The following ANO2 variants were observed in gnomAD, a reference collection of about 807,000 sequenced individuals.
ANO2 encodes the protein anoctamin 2.
ANO2 carries 101 observed loss-of-function variants against 124.2 expected under a neutral mutation model. The ratio of observed to expected loss-of-function variants is 0.81; its 90% CI spans 0.69 to 0.96. ANO2 has a LOEUF of 0.96. Among genes scored for constraint, ANO2 ranks in the 40% least tolerant of loss-of-function variants. The probability of loss-of-function intolerance (pLI) is 0.00; values close to 1 mark genes in which losing one functional copy is unlikely to be tolerated. For missense variants in ANO2, 1,293 were observed against 1,274.5 expected (o/e 1.01, Z -0.22); for synonymous variants, 486 against 482.5 (o/e 1.01, Z -0.09).
chr12:5,827,489 C>A (rs1229704054), intron 7 of ANO2, among the ~76,000 whole-genome samples: 1 of 152,138 alleles, frequency 6.6e-6, no homozygotes, highest in Non-Finnish European at 1.5e-5. Flanking sequence ...GATAAAGTGG[C>A]AGGTGTGGGC....
intron 14 of ANO2, among the ~76,000 whole-genome samples, chr12:5,710,762 G>C (rs534352937): frequency 2.6e-5 from 4 of 152,168 alleles, no homozygotes; most frequent in African/African-American, 9.6e-5. Flanking sequence ...TAGAGAGAGA[G>C]AATCAAGAAG....
At chr12:5,861,403 G>A (rs74059034) in intron 3 of ANO2, among the ~76,000 whole-genome samples, 2 of 144,512 alleles carry the variant, frequency 1.4e-5, no homozygotes, top group South Asian at 4.6e-4. Flanking sequence ...GCAGGGACTG[G>A]AGGTCGCGCT....
intron 14 of ANO2, among the ~76,000 whole-genome samples, chr12:5,714,388 C>T (rs986062260): frequency 3.0e-4 from 45 of 152,126 alleles, no homozygotes; most frequent in African/African-American, 1.0e-3. Context: ...GAACTAAGGC[C>T]GTGGCAGGTT....
chr12:5,818,253 T>G (rs1348600569), intron 7 of ANO2, among the ~76,000 whole-genome samples: 2 of 151,854 alleles, frequency 1.3e-5, no homozygotes, highest in East Asian at 3.9e-4. Context: ...CAGCTGCCAG[T>G]GCAGCTACAA....
intron 7 of ANO2, among the ~76,000 whole-genome samples, chr12:5,820,881 G>A (rs1953774086): frequency 6.6e-6 from 1 of 152,212 alleles, no homozygotes; most frequent in African/African-American, 2.4e-5. Flanking sequence ...CACATCTCCT[G>A]GTACCTGGTA....
At chr12:5,727,257 T>TAAC (rs1950474738) in intron 14 of ANO2, among the ~76,000 whole-genome samples, 1 of 152,072 alleles carries the variant, frequency 6.6e-6, no homozygotes, top group South Asian at 2.1e-4. Context: ...ACCTCCCCTA[T>TAAC]AACTCACTCC....
intron 10 of ANO2, among the ~76,000 whole-genome samples, chr12:5,753,208 T>C (rs886225959): frequency 5.9e-5 from 9 of 152,104 alleles, no homozygotes; most frequent in African/African-American, 2.2e-4. Context: ...AAAGATGAAT[T>C]TAAGGGCTTC....
At chr12:5,607,772 A>T (rs1944293849) in intron 19 of ANO2, among the ~76,000 whole-genome samples, 1 of 152,190 alleles carries the variant, frequency 6.6e-6, no homozygotes, top group African/African-American at 2.4e-5. Context: ...TGTGCTCCTT[A>T]TGAGAATCCA....
intron 22 of ANO2, 38 bp from the exon 23 acceptor site, chr12:5,576,053 T>C: frequency 6.5e-7 from 1 of 1,547,492 alleles, no homozygotes; most frequent in South Asian, 1.2e-5. Context: ...TAGCCAGGAT[T>C]GATGCTAAAA....
intron 14 of ANO2, among the ~76,000 whole-genome samples, chr12:5,704,237 C>A (rs928999449): frequency 3.3e-5 from 5 of 152,132 alleles, no homozygotes; most frequent in African/African-American, 1.2e-4. Context: ...TGTATGGGAA[C>A]CCTCACGACT....
chr12:5,891,152 C>T (rs1303509367), intron 3 of ANO2, among the ~76,000 whole-genome samples: 1 of 152,182 alleles, frequency 6.6e-6, no homozygotes, highest in Non-Finnish European at 1.5e-5. Flanking sequence ...TCAAGCAGTC[C>T]AAAACCCAGA....
intron 14 of ANO2, among the ~76,000 whole-genome samples, chr12:5,662,739 T>C (rs1331651435): frequency 6.6e-6 from 1 of 152,230 alleles, no homozygotes; most frequent in African/African-American, 2.4e-5. Flanking sequence ...TGAACTCCCC[T>C]AGCACGCAAT....
chr12:5,635,463 G>A lies in ANO2; in HGVS notation c.1621-116C>T, dbSNP rs1945965952. The A allele has an allele frequency of 1.1e-6, 1 of 876,454 alleles. No individual in the cohort carries two copies. Among genetic ancestry groups the A allele is most frequent in the Admixed American group, 3.9e-5 (1 of 25,560 alleles). 54.3% of individuals were successfully genotyped at this position (876,454 alleles called of 1,614,324 possible). The stretch of plus-strand genomic sequence containing the variant: ...AGATATTATTAATCTGGAATCTTTT[G>A]TTGGGTAACAAGGGATTCCAGATAT... On this transcript the variant is annotated intron_variant, in intron 15 of 24. Transcript: ENST00000682330. This position sits in a 1 kb window ranked among gnomAD's most constrained non-coding sequence, Gnocchi z 5.2.
intron 16 of ANO2, among the ~76,000 whole-genome samples, chr12:5,626,843 G>A (rs1256811999): frequency 1.3e-5 from 2 of 152,212 alleles, no homozygotes; most frequent in African/African-American, 4.8e-5. Context: ...ATTCCCTAGT[G>A]AGGGAGAAAA....
At chr12:5,869,874 A>G (rs1955525369) in intron 3 of ANO2, among the ~76,000 whole-genome samples, 1 of 152,194 alleles carries the variant, frequency 6.6e-6, no homozygotes, top group African/African-American at 2.4e-5. Context: ...ACAATAAGGT[A>G]TAACTCGTTC....
At chr12:5,690,593 A>G (rs1948888038) in intron 14 of ANO2, among the ~76,000 whole-genome samples, 1 of 152,184 alleles carries the variant, frequency 6.6e-6, no homozygotes, top group African/African-American at 2.4e-5. Context: ...AGTTCCAAAG[A>G]GTGATTGTCC....
chr12:5,696,281 A>C (rs1341808038), intron 14 of ANO2, among the ~76,000 whole-genome samples: 1 of 152,228 alleles, frequency 6.6e-6, no homozygotes, highest in Non-Finnish European at 1.5e-5. Context: ...CTTTAAAAAG[A>C]AACGCAAACA....
At chr12:5,875,359 C>T (rs551609190) in intron 3 of ANO2, among the ~76,000 whole-genome samples, 27 of 152,356 alleles carry the variant, frequency 1.8e-4, no homozygotes, top group African/African-American at 5.8e-4. Flanking sequence ...TGCAGGGGAA[C>T]GCAAGCTGGC....
At chr12:5,598,753 C>G (rs1943786770) in intron 20 of ANO2, among the ~76,000 whole-genome samples, 1 of 152,222 alleles carries the variant, frequency 6.6e-6, no homozygotes, top group Admixed American at 6.5e-5. Flanking sequence ...AATAGAAGAT[C>G]AGGATTATAG....
Sources: allele counts gnomAD v4.1 joint callset (sites outside exome capture counted in the v4.1 genomes callset), GRCh38; gene constraint gnomAD v4.1.1; non-coding constraint Gnocchi (gnomAD v3.1); transcripts MANE v1.5; gene names NCBI Gene and HGNC (gene_info 2026-07-23, HGNC 2026-07-21).